Variants in DPY19L1 observed in about 807,000 individuals in gnomAD.
DPY19L1 encodes dpy-19 like C-mannosyltransferase 1.
DPY19L1 carries 35 observed loss-of-function variants against 96.9 expected under a neutral mutation model. That is an observed-to-expected ratio of 0.36 (90% CI 0.28 to 0.48). The LOEUF (loss-of-function observed/expected upper bound fraction) is 0.48, where lower values mean the gene tolerates loss of function less well. Among genes scored for constraint, DPY19L1 ranks in the 20% least tolerant of loss-of-function variants. The pLI, the probability that DPY19L1 is intolerant of heterozygous loss-of-function variation, is 0.99. For missense variants in DPY19L1, 521 were observed against 777.9 expected, an observed-to-expected ratio of 0.67 and a Z score of 3.93; for synonymous variants, 205 against 252.6, an observed-to-expected ratio of 0.81 and a Z score of 1.79.
At chr7:35,023,833 C>CTTT (rs755619806) in intron 1 of DPY19L1, among the ~76,000 whole-genome samples, 1,204 of 111,780 alleles carry the variant, frequency 0.011, 45 homozygotes, top group African/African-American at 0.032. Flanking sequence ...CTTTTCTTTT[C>CTTT]TTTTTTTTTT....
intron 18 of DPY19L1, 76 bp downstream of exon 18, chr7:34,941,689 A>T (rs1032616209): frequency 5.1e-6 from 7 of 1,378,700 alleles, no homozygotes; most frequent in Non-Finnish European, 7.0e-6. Flanking sequence ...AAGACTTTGT[A>T]ATTCATTATT....
At chr7:35,037,885 C>A, upstream of DPY19L1, 1 of 1,238,428 alleles carries the variant, frequency 8.1e-7, no homozygotes, top group Non-Finnish European at 1.0e-6. Context: ...CCGGAGGCGG[C>A]CGCCCTTCCA....
chr7:34,985,448 A>C (rs1258158140), intron 7 of DPY19L1, among the ~76,000 whole-genome samples: 7 of 152,126 alleles, frequency 4.6e-5, no homozygotes, highest in Non-Finnish European at 1.0e-4. Context: ...GCCAATATTC[A>C]AAATATATAA....
At chr7:35,008,895 A>T (rs1280485031) in intron 6 of DPY19L1, among the ~76,000 whole-genome samples, 1 of 152,196 alleles carries the variant, frequency 6.6e-6, no homozygotes, top group South Asian at 2.1e-4. Flanking sequence ...ATTACGATGC[A>T]AGCACACAGG....
intron 6 of DPY19L1, among the ~76,000 whole-genome samples, chr7:34,995,899 T>C (rs1785271196): frequency 8.9e-6 from 1 of 111,970 alleles, no homozygotes; most frequent in Non-Finnish European, 1.7e-5. Context: ...AACCTTCCCC[T>C]ATACTCATGG....
chr7:34,966,842 T>C (rs1309022773), intron 10 of DPY19L1, 52 bp downstream of exon 10: 2 of 1,401,400 alleles, frequency 1.4e-6, no homozygotes, highest in Non-Finnish European at 1.9e-6. Flanking sequence ...AAAATATTAA[T>C]CAGGAGTTTT....
intron 7 of DPY19L1, among the ~76,000 whole-genome samples, chr7:34,986,354 A>T (rs1474758058): frequency 1.3e-5 from 2 of 152,078 alleles, no homozygotes; most frequent in Non-Finnish European, 2.9e-5. Context: ...AACTTGCTTG[A>T]TTGACTCTTT....
intron 4 of DPY19L1, 26 bp from the exon 5 acceptor site, chr7:35,011,476 T>C: frequency 6.4e-7 from 1 of 1,572,534 alleles, no homozygotes; most frequent in South Asian, 1.2e-5. Context: ...CAGAGGCATC[T>C]TAAGAAAATA....
intron 21 of DPY19L1, 123 bp downstream of exon 21, chr7:34,937,870 AG>A (rs1193254426): frequency 5.8e-6 from 6 of 1,030,242 alleles, no homozygotes; most frequent in Non-Finnish European, 8.2e-6. Flanking sequence ...AAAAAAAAGA[AG>A]AAGTTTTTCC....
chr7:34,934,619 A>G (rs1414106436), intron 21 of DPY19L1, among the ~76,000 whole-genome samples: 1 of 152,032 alleles, frequency 6.6e-6, no homozygotes, highest in African/African-American at 2.4e-5. Flanking sequence ...CAATTTTTCC[A>G]TGGGCTGGAG....
intron 1 of DPY19L1, among the ~76,000 whole-genome samples, chr7:35,024,745 G>T (rs1327855364): frequency 6.6e-6 from 1 of 152,098 alleles, no homozygotes; most frequent in Non-Finnish European, 1.5e-5. Flanking sequence ...TTCAAATGTG[G>T]CATTTTGTAT....
At chr7:35,028,211 C>T (rs150450741) in intron 1 of DPY19L1, among the ~76,000 whole-genome samples, 2 of 152,232 alleles carry the variant, frequency 1.3e-5, no homozygotes, top group Non-Finnish European at 2.9e-5. Context: ...TTCTCTGACT[C>T]CAAGCTCAGG....
At chr7:34,950,463 T>C (rs1369646295) in intron 13 of DPY19L1, among the ~76,000 whole-genome samples, 3 of 152,158 alleles carry the variant, frequency 2.0e-5, no homozygotes, top group East Asian at 3.8e-4. Context: ...CAAAAAGCCA[T>C]GTGAGGAAGG....
rs1276436592 is a variant in DPY19L1, at chr7:35,017,960, T to C, written c.333A>G (p.Ile111Met). 1.2e-6 allele frequency: 2 copies of C among 1,602,996 alleles called. No homozygotes were observed. Among genetic ancestry groups the C allele is most frequent in the Non-Finnish European group, 1.7e-6 (2 of 1,174,398 alleles). The change falls in exon 3 of 22, where the codon ATA (isoleucine) becomes ATG (methionine). Residue 111 changes from isoleucine (I) to methionine (M), a missense_variant. Coordinates refer to ENST00000638088, the MANE Select transcript of DPY19L1 (RefSeq NM_001366673.1). ...GACGGTCATTTTCAAAGAGGTGTGT[T>C]ATATGGCTCCTGGAAAAACAAAACA... ...VFAAVLHWSH[I>M]THLFENDRHF...
intron 5 of DPY19L1, 64 bp downstream of exon 5, chr7:35,011,266 T>C: frequency 6.4e-7 from 1 of 1,557,430 alleles, no homozygotes; most frequent in African/African-American, 1.4e-5. Flanking sequence ...TGTAAGTTTA[T>C]TATGCTAGAT....
intron 1 of DPY19L1, among the ~76,000 whole-genome samples, chr7:35,019,994 A>G (rs1049395823): frequency 2.6e-5 from 4 of 152,080 alleles, no homozygotes; most frequent in African/African-American, 9.7e-5. Context: ...TCAGGTCTTT[A>G]CAAAGCACGA....
At chr7:35,019,809 T>C (rs1294650390) in intron 1 of DPY19L1, among the ~76,000 whole-genome samples, 1 of 152,244 alleles carries the variant, frequency 6.6e-6, no homozygotes, top group Non-Finnish European at 1.5e-5. Context: ...ATTGATCTTT[T>C]GAAATTTTAA....
At chr7:35,019,369 T>C (rs1420704048) in intron 1 of DPY19L1, among the ~76,000 whole-genome samples, 5 of 152,160 alleles carry the variant, frequency 3.3e-5, no homozygotes, top group Non-Finnish European at 7.4e-5. Flanking sequence ...AGCCCAGGAA[T>C]TCAAGGCTGC....
rs530983699 is a variant in DPY19L1 at position 34,993,774 on chromosome 7, T to C, written c.765-3833A>G. On this transcript the variant is annotated intron_variant, in intron 6 of 21. Coordinates refer to ENST00000638088, the MANE Select transcript of DPY19L1 (RefSeq NM_001366673.1). Reference sequence around the variant, plus strand: ...ACTGTATTCCTTTAAATAAAAATGTTTGGGGTCAGGCACAGTGGCTCATGC... The same window carrying C: ...ACTGTATTCCTTTAAATAAAAATGTCTGGGGTCAGGCACAGTGGCTCATGC... 5.3e-5 allele frequency among the ~76,000 whole-genome samples: 8 copies of C among 152,220 alleles called. No individual in the cohort carries two copies. The South Asian group carries it at 8.3e-4, about 16-fold the overall frequency.
Sources: allele counts gnomAD v4.1 joint callset (sites outside exome capture counted in the v4.1 genomes callset), GRCh38; gene constraint gnomAD v4.1.1; transcripts MANE v1.5; gene names NCBI Gene and HGNC (gene_info 2026-07-23, HGNC 2026-07-21).